The following OPRM1 variants were observed in gnomAD, a reference collection of about 807,000 sequenced individuals.
The protein encoded by OPRM1 is opioid receptor mu 1.
OPRM1 carries 27 observed loss-of-function variants against 31.8 expected under a neutral mutation model. The observed-to-expected ratio is 0.85, with a 90% CI of 0.63 to 1.17. The LOEUF (loss-of-function observed/expected upper bound fraction) is 1.17. OPRM1 is among the 50% of genes most tolerant of loss of function. OPRM1 has a pLI of 0.00. For missense variants in OPRM1, 536 were observed against 511.1 expected (o/e 1.05, Z -0.47); for synonymous variants, 196 against 189.9 (o/e 1.03, Z -0.26).
At chr6:154,213,547 C>T (rs1392914034) in intron 3 of OPRM1, among the ~76,000 whole-genome samples, 1 of 152,156 alleles carries the variant, frequency 6.6e-6, no homozygotes, top group Admixed American at 6.5e-5. Context: ...TTCTAACTAA[C>T]TCTAAGATTT....
In OPRM1 at chr6:154,127,992, G is replaced by C. The variant is rs192738468; in HGVS notation, c.*9271G>C. Among the ~76,000 whole-genome samples the C allele has an allele frequency of 6.8e-4, 103 of 152,282 alleles. No homozygotes were observed. The highest frequency in any genetic ancestry group is 2.4e-3 in the African/African-American group (100 of 41,562). ...ATGGCCCTTATTTCTCAAGGGACCA[G>C]AGAAAACCAATAGGCCTACTCCCCA... On this transcript the variant is annotated 3_prime_UTR_variant, in exon 4 of 4. Transcript: ENST00000330432.
rs1380338332 is a variant in OPRM1, at chr6:154,185,026, T to C, written c.1165-61667T>C. Among the ~76,000 whole-genome samples, 3 of 152,158 alleles carry C rather than the reference T, an allele frequency of 2.0e-5. No individual in the cohort carries two copies. In the East Asian group the frequency reaches 5.8e-4, roughly 29 times the overall value. ...CCCTTTTTCCTAAAAAGTAAAAAAA[T>C]CATCCTAAAGATTAGAGATTTCTGA... is the stretch of plus-strand genomic sequence containing the variant. On this transcript the variant is annotated intron_variant, in intron 3 of 3. Coordinates refer to the OPRM1 transcript ENST00000337049.
chr6:154,154,486 T>C (rs1181848083), intron 3 of OPRM1: 1 of 152,232 alleles, frequency 6.6e-6, no homozygotes, highest in Non-Finnish European at 1.5e-5. Flanking sequence ...TCGATTATTG[T>C]TGAAACAGAT....
chr6:154,061,504 A>G (rs7759522), intron 1 of OPRM1, among the ~76,000 whole-genome samples: 21,028 of 152,098 alleles, frequency 0.14, 1,571 homozygotes, highest in Non-Finnish European at 0.17. Flanking sequence ...AAAGAATGAA[A>G]TCATGTCCTT....
At chr6:154,204,265 T>C (rs1777306381) in intron 3 of OPRM1, among the ~76,000 whole-genome samples, 1 of 152,144 alleles carries the variant, frequency 6.6e-6, no homozygotes, top group South Asian at 2.1e-4. Flanking sequence ...AAGTTTGACA[T>C]GGTGAAAAAA....
intron 3 of OPRM1, among the ~76,000 whole-genome samples, chr6:154,146,103 T>G (rs1468520972): frequency 2.0e-5 from 3 of 152,114 alleles, no homozygotes; most frequent in Non-Finnish European, 4.4e-5. Flanking sequence ...GATATTTAAG[T>G]AAAGAAAGAA....
chr6:154,187,520 C>A (rs555267297), intron 3 of OPRM1, among the ~76,000 whole-genome samples: 4 of 152,208 alleles, frequency 2.6e-5, no homozygotes, highest in African/African-American at 9.6e-5. Flanking sequence ...ATAGTATTTA[C>A]ATGCTCCTGT....
intron 3 of OPRM1, among the ~76,000 whole-genome samples, chr6:154,211,293 C>T (rs969845678): frequency 4.6e-5 from 7 of 151,982 alleles, no homozygotes; most frequent in African/African-American, 1.7e-4. Flanking sequence ...GCGAGCACCC[C>T]AGCTACTCGG....
intron 3 of OPRM1, among the ~76,000 whole-genome samples, chr6:154,225,764 T>G (rs1481163725): frequency 6.6e-6 from 1 of 152,224 alleles, no homozygotes; most frequent in African/African-American, 2.4e-5. Flanking sequence ...TCATCTAAAT[T>G]TTAAGAATCT....
At chr6:154,173,602 T>C (rs1352285422) in intron 3 of OPRM1, among the ~76,000 whole-genome samples, 2 of 151,912 alleles carry the variant, frequency 1.3e-5, no homozygotes, top group African/African-American at 4.8e-5. Context: ...TGAAATAAAG[T>C]GAGAAGACAA....
intron 3 of OPRM1, among the ~76,000 whole-genome samples, chr6:154,185,003 C>T (rs1801211577): frequency 6.6e-6 from 1 of 152,100 alleles, no homozygotes; most frequent in Non-Finnish European, 1.5e-5. Context: ...GCATATAGCC[C>T]TTTTTCCTAA....
In OPRM1 at chr6:154,119,596, G is replaced by T; in HGVS notation, c.*875G>T. The T allele has an allele frequency of 4.0e-6, 1 of 247,066 alleles. No individual in the cohort carries two copies. The highest frequency in any genetic ancestry group is 6.5e-6 in the Non-Finnish European group (1 of 154,834). 15.3% of individuals were successfully genotyped at this position (247,066 alleles called of 1,614,324 possible). ...TATTTCTCACTGGTTTCTCCATACT[G>T]CAGGCTCCCCACATATTATTTTCTT... On this transcript the variant is annotated 3_prime_UTR_variant, in exon 4 of 4. Coordinates refer to ENST00000330432, the MANE Select transcript of OPRM1 (RefSeq NM_000914.5).
In OPRM1 at chr6:154,129,182, G is replaced by A. The variant is rs1050853291; in HGVS notation, c.*10461G>A. On this transcript the variant is annotated 3_prime_UTR_variant, in exon 4 of 4. Transcript: ENST00000330432. ...ACACTAGATTTCACATGAAAGGGTC[G>A]TGATTGATTTGAGCAAGCAAGGGGT... is the stretch of plus-strand genomic sequence containing the variant. 2.6e-5 allele frequency among the ~76,000 whole-genome samples: 4 copies of A among 152,198 alleles called. No individual in the cohort carries two copies. The highest frequency in any genetic ancestry group is 6.5e-5 in the Admixed American group (1 of 15,284).
At chr6:154,095,699 G>A (rs546620283) in intron 3 of OPRM1, among the ~76,000 whole-genome samples, 1 of 152,222 alleles carries the variant, frequency 6.6e-6, no homozygotes, top group African/African-American at 2.4e-5. Context: ...AGATGGTCTC[G>A]TGTTTTTTTT....
chr6:154,095,333 C>T (rs1793174724), intron 3 of OPRM1, among the ~76,000 whole-genome samples: 1 of 152,134 alleles, frequency 6.6e-6, no homozygotes, highest in South Asian at 2.1e-4. Flanking sequence ...CCAAAACATC[C>T]AAAGCATTGG....
exon 1 of OPRM1, chr6:154,010,555 T>G: frequency 6.5e-7 from 1 of 1,545,862 alleles, no homozygotes; most frequent in Non-Finnish European, 8.8e-7. Context: ...TGGGAAGCCC[T>G]CCAGGTTCAT....
chr6:154,233,798 T>G (rs186443223), intron 3 of OPRM1, among the ~76,000 whole-genome samples: 1 of 152,072 alleles, frequency 6.6e-6, no homozygotes, highest in African/African-American at 2.4e-5. Context: ...TGCATCTCAC[T>G]GTGGGAAAGC....
intron 1 of OPRM1, among the ~76,000 whole-genome samples, chr6:154,044,941 G>A (rs932972385): frequency 6.6e-6 from 1 of 152,126 alleles, no homozygotes; most frequent in African/African-American, 2.4e-5. Flanking sequence ...TGTACTAGTG[G>A]TGGTCAGGCA....
intron 3 of OPRM1, among the ~76,000 whole-genome samples, chr6:154,178,814 G>A (rs1303986563): frequency 6.6e-6 from 1 of 152,180 alleles, no homozygotes; most frequent in Non-Finnish European, 1.5e-5. Flanking sequence ...TCAGCTTCCT[G>A]CCTCTCAGCC....
Sources: allele counts gnomAD v4.1 joint callset (sites outside exome capture counted in the v4.1 genomes callset), GRCh38; gene constraint gnomAD v4.1.1; transcripts MANE v1.5; gene names NCBI Gene and HGNC (gene_info 2026-07-23, HGNC 2026-07-21).